Variants in CCSER1 observed in about 807,000 individuals in gnomAD.
CCSER1 encodes serine-rich coiled-coil domain-containing protein 1.
In CCSER1, 41 loss-of-function variants were observed where a neutral mutation model predicts 82.0. The observed-to-expected ratio is 0.50, with a 90% CI of 0.39 to 0.65. The LOEUF is 0.65. Ranked by LOEUF, CCSER1 falls within the 30% of genes least tolerant of loss-of-function variation. CCSER1 has a pLI of 0.00. For missense variants in CCSER1, 1,119 were observed against 1,064.2 expected (o/e 1.05, Z -0.72); for synonymous variants, 414 against 383.9 (o/e 1.08, Z -0.92).
At chr4:91,147,496 G>A (rs779311028) in intron 10 of CCSER1, among the ~76,000 whole-genome samples, 7 of 152,202 alleles carry the variant, frequency 4.6e-5, no homozygotes, top group African/African-American at 7.2e-5. Flanking sequence ...CCGCTCCCAT[G>A]CCAGCACATG....
intron 10 of CCSER1, among the ~76,000 whole-genome samples, chr4:91,517,439 A>G (rs1371148093): frequency 6.6e-6 from 1 of 152,092 alleles, no homozygotes. Context: ...TTCTGCATCT[A>G]TTTAGATAAT....
chr4:90,212,902 G>A (rs1415110881), intron 1 of CCSER1, among the ~76,000 whole-genome samples: 1 of 152,166 alleles, frequency 6.6e-6, no homozygotes, highest in East Asian at 1.9e-4. Flanking sequence ...AGAGGACTGG[G>A]CCTGTTGATG....
intron 1 of CCSER1, among the ~76,000 whole-genome samples, chr4:90,182,141 C>A (rs1733843315): frequency 6.6e-6 from 1 of 152,020 alleles, no homozygotes; most frequent in Non-Finnish European, 1.5e-5. Context: ...TTATGTACTA[C>A]AAATAAATTG....
At chr4:91,019,219 A>G (rs1457890589) in intron 9 of CCSER1, among the ~76,000 whole-genome samples, 1 of 151,914 alleles carries the variant, frequency 6.6e-6, no homozygotes, top group African/African-American at 2.4e-5. Context: ...TTATGCCTCT[A>G]TAAACAAATA....
intron 10 of CCSER1, among the ~76,000 whole-genome samples, chr4:91,201,708 G>A (rs890359761): frequency 1.8e-4 from 27 of 152,018 alleles, no homozygotes; most frequent in African/African-American, 6.0e-4. Context: ...TATTCTTAGT[G>A]TATTGGTTGG....
intron 10 of CCSER1, among the ~76,000 whole-genome samples, chr4:91,493,717 T>A (rs1401116223): frequency 1.3e-5 from 2 of 150,678 alleles, no homozygotes; most frequent in East Asian, 3.9e-4. Context: ...TCACTATGAA[T>A]TATAATTAAA....
chr4:90,748,145 C>A (rs1433003257), intron 7 of CCSER1, among the ~76,000 whole-genome samples: 1 of 145,054 alleles, frequency 6.9e-6, no homozygotes, highest in Non-Finnish European at 1.5e-5. Flanking sequence ...ACTAACTCGT[C>A]ATCTAGCATT....
chr4:91,585,468 T>A (rs1225216719), intron 10 of CCSER1, among the ~76,000 whole-genome samples: 1 of 151,574 alleles, frequency 6.6e-6, no homozygotes, highest in Admixed American at 6.6e-5. Context: ...GCACACTGTC[T>A]AAATTAGTGA....
chr4:90,691,954 T>C (rs1337969235), intron 6 of CCSER1, among the ~76,000 whole-genome samples: 1 of 151,368 alleles, frequency 6.6e-6, no homozygotes, highest in Non-Finnish European at 1.5e-5. Context: ...TAATGTATGT[T>C]CTGGAAGAAC....
intron 10 of CCSER1, among the ~76,000 whole-genome samples, chr4:91,582,330 G>A (rs10009859): frequency 0.66 from 99,378 of 151,140 alleles, 32,870 homozygotes; most frequent in East Asian, 0.73. Flanking sequence ...TGTGAGTCCA[G>A]ACCTCTATAT....
chr4:91,093,336 A>G (rs1724169339), intron 10 of CCSER1, among the ~76,000 whole-genome samples: 2 of 152,322 alleles, frequency 1.3e-5, no homozygotes, highest in Middle Eastern at 3.4e-3. Flanking sequence ...ACTTCCACAC[A>G]GTTATGTTCA....
chr4:90,591,336 G>A (rs1782667256), intron 5 of CCSER1, among the ~76,000 whole-genome samples: 1 of 152,134 alleles, frequency 6.6e-6, no homozygotes, highest in Non-Finnish European at 1.5e-5. Flanking sequence ...TAGGGGTGGT[G>A]ACAGAGGGCA....
Position 91,511,741 on chromosome 4 carries a change from A to G in CCSER1, c.2218-86831A>G, listed in dbSNP as rs374233683. Among the ~76,000 whole-genome samples the G allele has an allele frequency of 2.5e-3, 386 of 152,256 alleles. 2 individuals are homozygous for G. Among genetic ancestry groups the G allele is most frequent in the African/African-American group, 8.8e-3 (365 of 41,542 alleles). On this transcript the variant is annotated intron_variant, in intron 10 of 10. Coordinates refer to ENST00000509176, the MANE Select transcript of CCSER1 (RefSeq NM_001145065.2). ...GCCTGATGATCTGTCACTGTCTCCT[A>G]TCACTCCCAGATGGGACCTCCTAGT...
intron 10 of CCSER1, among the ~76,000 whole-genome samples, chr4:91,381,760 G>A (rs1012300284): frequency 1.3e-5 from 2 of 152,180 alleles, no homozygotes; most frequent in Non-Finnish European, 2.9e-5. Flanking sequence ...GTCATTCTCT[G>A]TCCAGCTTTG....
intron 6 of CCSER1, among the ~76,000 whole-genome samples, chr4:90,661,593 A>C (rs1462754821): frequency 6.6e-6 from 1 of 152,212 alleles, no homozygotes; most frequent in Admixed American, 6.5e-5. Flanking sequence ...ATTTATGTTA[A>C]CTATAAAGGA....
At chr4:90,755,515 T>C (rs1356657239) in intron 7 of CCSER1, among the ~76,000 whole-genome samples, 3 of 152,208 alleles carry the variant, frequency 2.0e-5, no homozygotes, top group East Asian at 1.9e-4. Flanking sequence ...TGGCAGATGA[T>C]AAAATGCTGA....
rs1037684765 is a variant in CCSER1, at chr4:90,127,405, G to A, written c.-468G>A. ...GGCCCGCCCTCCTCACAGCCCCGGA[G>A]CGCGGCCTGCCGGGGAGGTGGATCT... On this transcript the variant is annotated 5_prime_UTR_variant, in exon 1 of 11. Transcript: ENST00000509176. The A allele has an allele frequency of 6.6e-6, 1 of 152,284 alleles. No individual in the cohort carries two copies. Among genetic ancestry groups the A allele is most frequent in the Non-Finnish European group, 1.5e-5 (1 of 68,152 alleles). 9.4% of individuals were successfully genotyped at this position (152,284 alleles called of 1,614,324 possible).
chr4:90,449,967 A>T (rs1761221060), intron 4 of CCSER1, among the ~76,000 whole-genome samples: 1 of 152,164 alleles, frequency 6.6e-6, no homozygotes, highest in South Asian at 2.1e-4. Context: ...TACTTCCCTC[A>T]TCGCAGCTGG....
chr4:90,173,142 A>G (rs1233622106), intron 1 of CCSER1, among the ~76,000 whole-genome samples: 1 of 151,852 alleles, frequency 6.6e-6, no homozygotes, highest in Non-Finnish European at 1.5e-5. Flanking sequence ...GCTGAGGATC[A>G]CAGAAATTAA....
Sources: allele counts gnomAD v4.1 joint callset (sites outside exome capture counted in the v4.1 genomes callset), GRCh38; gene constraint gnomAD v4.1.1; transcripts MANE v1.5; gene names NCBI Gene and HGNC (gene_info 2026-07-23, HGNC 2026-07-21).